The following DCAF6 variants were observed in gnomAD, a reference collection of about 807,000 sequenced individuals.
The protein encoded by DCAF6 is DDB1 and CUL4 associated factor 6.
Under a neutral mutation model 125.1 loss-of-function variants are expected in DCAF6, and 54 were observed. The ratio of observed to expected loss-of-function variants is 0.43; its 90% confidence interval spans 0.35 to 0.54. The LOEUF is 0.54. DCAF6 is among the 20% of genes least tolerant of loss of function. The probability of loss-of-function intolerance (pLI) is 0.01; values close to 1 mark genes in which losing one functional copy is unlikely to be tolerated. For missense variants in DCAF6, 934 were observed against 1,161.7 expected (o/e 0.80, Z 2.85); for synonymous variants, 371 against 390.4 (o/e 0.95, Z 0.58).
At chr1:168,013,340 G>A (rs1034550677) in intron 10 of DCAF6, among the ~76,000 whole-genome samples, 1 of 152,122 alleles carries the variant, frequency 6.6e-6, no homozygotes, top group Non-Finnish European at 1.5e-5. Flanking sequence ...AGAAACCATC[G>A]TAACAAGAAA....
chr1:168,065,899 CAA>C (rs1692267419), intron 19 of DCAF6, among the ~76,000 whole-genome samples, 153 bp downstream of exon 19: 1 of 152,206 alleles, frequency 6.6e-6, no homozygotes, highest in African/African-American at 2.4e-5. Context: ...ACTTGCACTT[CAA>C]ACACACCTGT....
the DCAF6 span, among the ~76,000 whole-genome samples, chr1:167,895,621 G>A: frequency 2.0e-5 from 3 of 152,166 alleles, no homozygotes; most frequent in African/African-American, 4.8e-5. Context: ...AGGGTATTTT[G>A]TTTGTTTTTT....
chr1:168,002,363 T>A, intron 7 of DCAF6, 119 bp from the exon 8 acceptor site: 1 of 785,276 alleles, frequency 1.3e-6, no homozygotes, highest in South Asian at 1.7e-5. Flanking sequence ...TTCATGTAGA[T>A]CTAATTTGCA....
chr1:167,956,671 T>G (rs1674838551), intron 2 of DCAF6, among the ~76,000 whole-genome samples: 1 of 152,204 alleles, frequency 6.6e-6, no homozygotes, highest in African/African-American at 2.4e-5. Context: ...GAGACCGTTG[T>G]CTTTTCTAAA....
intron 14 of DCAF6, 24 bp from the exon 15 acceptor site, chr1:168,044,561 G>T (rs1458902881): frequency 6.5e-7 from 1 of 1,543,340 alleles, no homozygotes. Context: ...ACCAAGGGAT[G>T]ACTGTAATTT....
intron 11 of DCAF6, among the ~76,000 whole-genome samples, chr1:168,018,175 G>T (rs1441224113): frequency 6.6e-6 from 1 of 152,130 alleles, no homozygotes; most frequent in African/African-American, 2.4e-5. Flanking sequence ...TACATTTTTA[G>T]TGGGCTCAAA....
chr1:167,932,147 C>G (rs1346103234), upstream of DCAF6, among the ~76,000 whole-genome samples: 1 of 152,156 alleles, frequency 6.6e-6, no homozygotes, highest in Non-Finnish European at 1.5e-5. Flanking sequence ...GTTTTTGGGA[C>G]TAACTTCACC....
the DCAF6 span, among the ~76,000 whole-genome samples, chr1:167,913,567 G>C: frequency 6.6e-6 from 1 of 152,128 alleles, no homozygotes; most frequent in African/African-American, 2.4e-5. Flanking sequence ...CTTTTGAATT[G>C]CTTCTATTTT....
At chr1:167,979,859 C>T (rs529106723) in intron 4 of DCAF6, among the ~76,000 whole-genome samples, 27 of 151,776 alleles carry the variant, frequency 1.8e-4, no homozygotes, top group Non-Finnish European at 3.4e-4. Context: ...TGCACTCCAG[C>T]GTGGGTGACA....
At position 168,000,334 on chromosome 1, in the gene DCAF6, G is replaced by A. The variant is rs116233090; in HGVS notation, c.904-2148G>A. On this transcript the variant is annotated intron_variant, in intron 7 of 21. Transcript: ENST00000367840. ...ATAAGTTTGAAATATGAGAATTACTGAAATGTGACACAAACATAAAATGAG... is the reference window on the plus strand; with the variant it reads ...ATAAGTTTGAAATATGAGAATTACTAAAATGTGACACAAACATAAAATGAG... 6.1e-3 allele frequency among the ~76,000 whole-genome samples: 925 copies of A among 152,144 alleles called. 5 individuals carry two copies. Among genetic ancestry groups the A allele is most frequent in the African/African-American group, 0.021 (890 of 41,512 alleles).
intron 3 of DCAF6, among the ~76,000 whole-genome samples, chr1:167,972,542 T>C (rs937311311): frequency 6.6e-6 from 1 of 152,086 alleles, no homozygotes; most frequent in Non-Finnish European, 1.5e-5. Context: ...TTGAACTAGA[T>C]TGGAAGTAGG....
intron 1 of DCAF6, among the ~76,000 whole-genome samples, chr1:167,945,417 T>C (rs1672910815): frequency 6.6e-6 from 1 of 152,224 alleles, no homozygotes; most frequent in Non-Finnish European, 1.5e-5. Flanking sequence ...GTAGTTCTCC[T>C]TGTAGGGATT....
chr1:168,022,814 A>T (rs1466249055), intron 11 of DCAF6, among the ~76,000 whole-genome samples, 174 bp from the exon 12 acceptor site: 1 of 152,248 alleles, frequency 6.6e-6, no homozygotes, highest in African/African-American at 2.4e-5. Context: ...CTTGCCTGGA[A>T]TAACATATCT....
At chr1:168,033,715 G>GTT (rs1285418428) in intron 12 of DCAF6, among the ~76,000 whole-genome samples, 1 of 152,130 alleles carries the variant, frequency 6.6e-6, no homozygotes, top group African/African-American at 2.4e-5. Flanking sequence ...TTATCTTGAT[G>GTT]TTTATGTGGT....
chr1:168,000,481 A>G (rs996214707), intron 7 of DCAF6, among the ~76,000 whole-genome samples: 1 of 152,190 alleles, frequency 6.6e-6, no homozygotes, highest in Non-Finnish European at 1.5e-5. Flanking sequence ...ATGAGGTACT[A>G]TGTTTCAATT....
the DCAF6 span, among the ~76,000 whole-genome samples, chr1:167,911,264 G>A: frequency 7.2e-5 from 11 of 152,290 alleles, no homozygotes; most frequent in Admixed American, 3.9e-4. Context: ...GTCTAATTAG[G>A]AATAAATAGT....
chr1:167,870,048 A>G, the DCAF6 span, among the ~76,000 whole-genome samples: 1 of 152,244 alleles, frequency 6.6e-6, no homozygotes, highest in Non-Finnish European at 1.5e-5. Context: ...TCCTGGCATT[A>G]AATCAGGATA....
chr1:167,966,082 G>A (rs751372053), intron 2 of DCAF6, among the ~76,000 whole-genome samples: 1 of 152,094 alleles, frequency 6.6e-6, no homozygotes, highest in Non-Finnish European at 1.5e-5. Flanking sequence ...GACTCCTTGT[G>A]TTTACCTGTT....
intron 4 of DCAF6, among the ~76,000 whole-genome samples, chr1:167,980,286 G>A (rs1323816968): frequency 6.6e-6 from 1 of 152,210 alleles, no homozygotes; most frequent in East Asian, 1.9e-4. Context: ...GAAGATGAGT[G>A]TGCAAATATC....
Sources: gnomAD v4.1 joint callset for allele counts (sites outside exome capture counted in the v4.1 genomes callset) on GRCh38, gnomAD v4.1.1 for gene constraint, MANE v1.5 for transcripts, NCBI Gene and HGNC (gene_info 2026-07-23, HGNC 2026-07-21) for gene names.